Variants in RPL23 observed in about 807,000 individuals in gnomAD.
RPL23 encodes the protein large ribosomal subunit protein uL14.
For synonymous variants in RPL23, 63 were observed against 65.3 expected (o/e 0.97, Z 0.17); for missense variants, 79 against 178.8 (o/e 0.44, Z 3.18).
chr17:38,852,582 G>C (rs1913034889), intron 3 of RPL23, 22 bp downstream of exon 3: 2 of 1,612,040 alleles, frequency 1.2e-6, no homozygotes, highest in East Asian at 4.5e-5. Flanking sequence ...TCAGTATTAA[G>C]GTGGGCTCAG....
Position 38,852,728 on chromosome 17 carries a change from G to A in RPL23, c.102C>T (p.Ala34=), listed in dbSNP as rs747899701. Residue 34 remains alanine, a synonymous_variant, in exon 3 of 5, where the codon GCC becomes GCT. Coordinates refer to ENST00000479035, the MANE Select transcript of RPL23 (RefSeq NM_000978.4). The part of the protein sequence containing the change: ...AVINCADNTG[A]KNLYIISVKG... Reference sequence around the variant, plus strand: ...TCACGGAGATGATATACAGGTTTTTGGCTCCTACAAAAGAATGTAAATAAA... The same window carrying A: ...TCACGGAGATGATATACAGGTTTTTAGCTCCTACAAAAGAATGTAAATAAA... 3.1e-6 allele frequency: 5 copies of A among 1,614,056 alleles called. No individual in the cohort carries two copies. The highest frequency in any genetic ancestry group is 4.2e-6 in the Non-Finnish European group (5 of 1,180,004).
intron 1 of RPL23, chr17:38,853,312 C>T (rs1442108852): frequency 1.5e-6 from 1 of 655,254 alleles, no homozygotes; most frequent in East Asian, 2.7e-5. Context: ...TATTAACACT[C>T]TGACATCGAA....
intron 3 of RPL23, 103 bp from the exon 4 acceptor site, chr17:38,850,578 A>C: frequency 1.3e-6 from 1 of 753,730 alleles, no homozygotes; most frequent in Non-Finnish European, 2.3e-6. Flanking sequence ...CGTTTGAGAC[A>C]GTGACAGTGT....
At chr17:38,853,667 G>A (rs373730792) in intron 1 of RPL23, 31 bp downstream of exon 1, 1 of 1,614,116 alleles carries the variant, frequency 6.2e-7, no homozygotes, top group Non-Finnish European at 8.5e-7. Context: ...CACGACAGAT[G>A]GTGGAGGATC....
At position 38,853,439 on chromosome 17, in the gene RPL23, A is replaced by G. The variant is rs1913063824; in HGVS notation, c.13+259T>C. ...CAGGGCCTAATCCAGTCTAACTTCA[A>G]CCCCATTACGATAGCCCTATTCGCG... On this transcript the variant is annotated intron_variant, in intron 1 of 4. Transcript: ENST00000479035. 1.4e-5 allele frequency: 10 copies of G among 716,816 alleles called. No individual in the cohort carries two copies. In the East Asian group the frequency reaches 2.4e-4, roughly 17 times the overall value. The allele number at this position is 716,816 out of a possible 1,614,324, so 44.4% of individuals were successfully genotyped here. A position where few individuals can be genotyped will look rare whatever the true frequency, so the allele number is the denominator to read the frequency against.
intron 1 of RPL23, 199 bp downstream of exon 1, chr17:38,853,499 C>T: frequency 1.4e-6 from 1 of 730,038 alleles, no homozygotes; most frequent in Non-Finnish European, 2.5e-6. Context: ...ACATTCACGT[C>T]GGGATCCTGC....
chr17:38,853,232 C>T (rs1055909018), intron 1 of RPL23, 127 bp from the exon 2 acceptor site: 17 of 756,208 alleles, frequency 2.2e-5, no homozygotes, highest in Non-Finnish European at 3.7e-5. Flanking sequence ...TATAGATTAG[C>T]TCGCTCGGAT....
chr17:38,850,761 C>A, intron 3 of RPL23: 1 of 277,174 alleles, frequency 3.6e-6, no homozygotes, highest in Non-Finnish European at 6.8e-6. Context: ...AGGCATGAAC[C>A]ACGATCATCT....
chr17:38,848,975 G>A lies in RPL23; in HGVS notation c.*1157C>T, dbSNP rs141726545. 2.6e-5 allele frequency: 4 copies of A among 152,166 alleles called. No homozygotes were observed. The highest frequency in any genetic ancestry group is 7.2e-5 in the African/African-American group (3 of 41,518). 9.4% of individuals were successfully genotyped at this position (152,166 alleles called of 1,614,324 possible). A position where few individuals can be genotyped will look rare whatever the true frequency, so the allele number is the denominator to read the frequency against. ...GTGTCACCTAAATAAACTCTTACACGTTTAGAAAGAAATGCTAACAACCTC... is the reference window on the plus strand; with the variant it reads ...GTGTCACCTAAATAAACTCTTACACATTTAGAAAGAAATGCTAACAACCTC... On this transcript the variant is annotated 3_prime_UTR_variant, in exon 5 of 5. Coordinates refer to ENST00000479035, the MANE Select transcript of RPL23 (RefSeq NM_000978.4).
intron 2 of RPL23, 29 bp downstream of exon 2, chr17:38,852,993 G>C (rs774851297): frequency 5.0e-6 from 8 of 1,599,050 alleles, no homozygotes; most frequent in African/African-American, 1.3e-5. Context: ...TTTTAAAAGG[G>C]GGAGTATAGC....
intron 1 of RPL23, 176 bp downstream of exon 1, chr17:38,853,522 C>T (rs1413627693): frequency 2.6e-6 from 2 of 769,902 alleles, no homozygotes; most frequent in South Asian, 2.9e-5. Flanking sequence ...TCTCAACTCT[C>T]CAGCACCCCA....
intron 1 of RPL23, 49 bp from the exon 2 acceptor site, chr17:38,853,154 A>T (rs977734528): frequency 7.5e-6 from 11 of 1,469,938 alleles, no homozygotes; most frequent in Non-Finnish European, 1.0e-5. Flanking sequence ...CACAATCTAG[A>T]CATGGTTCGG....
rs554527029 is a variant in RPL23, at chr17:38,848,025, T to C, written c.*2107A>G. The C allele has an allele frequency of 1.2e-5, 18 of 1,549,754 alleles. No individual in the cohort carries two copies. Among genetic ancestry groups the C allele is most frequent in the Admixed American group, 7.9e-5 (4 of 50,888 alleles). ...AAAGTTACAGTGAGCTTCAGTGGTG[T>C]TACTGCACTCCAGCCTGTGTGACAG... is the stretch of plus-strand genomic sequence containing the variant. On this transcript the variant is annotated 3_prime_UTR_variant, in exon 5 of 5. Transcript: ENST00000479035.
Position 38,850,495 on chromosome 17 carries a change from C to T in RPL23, c.227-20G>A, listed in dbSNP as rs772128514. Reference sequence around the variant, plus strand: ...GATGTACTGAGAGAAGAAAAAAGGACAGCAGTCATTAACCTGTCAAGTCGC... The same window carrying T: ...GATGTACTGAGAGAAGAAAAAAGGATAGCAGTCATTAACCTGTCAAGTCGC... On this transcript the variant is annotated intron_variant, in intron 3 of 4. Transcript: ENST00000479035. 2.5e-5 allele frequency: 39 copies of T among 1,563,528 alleles called. No individual in the cohort carries two copies. Among genetic ancestry groups the T allele is most frequent in the Non-Finnish European group, 3.3e-5 (38 of 1,134,380 alleles).
At chr17:38,852,946 G>A (rs907324778) in intron 2 of RPL23, 76 bp downstream of exon 2, 14 of 1,441,582 alleles carry the variant, frequency 9.7e-6, no homozygotes, top group Non-Finnish European at 3.9e-6. Context: ...CTTTCTTGAC[G>A]GCTCAATAGG....
In RPL23 at chr17:38,849,903, TGAGATCAGGA is replaced by T; in HGVS notation, c.*219_*228del. 2.3e-6 allele frequency: 1 copy of T among 436,382 alleles called. No individual in the cohort carries two copies. The highest frequency in any genetic ancestry group is 4.1e-6 in the Non-Finnish European group (1 of 246,150). 27.0% of individuals were successfully genotyped at this position (436,382 alleles called of 1,614,324 possible). The stretch of plus-strand genomic sequence containing the variant: ...TAGAGGCCTGGGTGGGCAGATCACT[TGAGATCAGGA>T]GTTTGAGTCGTTTGGCAAACATGGT... On this transcript the variant is annotated 3_prime_UTR_variant, in exon 5 of 5. Coordinates refer to ENST00000479035, the MANE Select transcript of RPL23 (RefSeq NM_000978.4).
In RPL23 at chr17:38,848,141, A is replaced by T; in HGVS notation, c.*1991T>A. 1 of 1,373,304 alleles carries T rather than the reference A, an allele frequency of 7.3e-7. No individual in the cohort carries two copies. Among genetic ancestry groups the T allele is most frequent in the Non-Finnish European group, 9.5e-7 (1 of 1,057,166 alleles). 85.1% of individuals were successfully genotyped at this position (1,373,304 alleles called of 1,614,324 possible). A position where few individuals can be genotyped will look rare whatever the true frequency, so the allele number is the denominator to read the frequency against. On this transcript the variant is annotated 3_prime_UTR_variant, in exon 5 of 5. Coordinates refer to ENST00000479035, the MANE Select transcript of RPL23 (RefSeq NM_000978.4). The stretch of plus-strand genomic sequence containing the variant: ...TCATATATTGCCATAATATATAAAG[A>T]CATAAATGGTGGGCCTAGGGGCTTG...
chr17:38,848,089 C>G lies in RPL23; in HGVS notation c.*2043G>C, dbSNP rs1461484580. 3 of 1,526,058 alleles carry G rather than the reference C, an allele frequency of 2.0e-6. No individual in the cohort carries two copies. In the African/African-American group the frequency reaches 4.2e-5, roughly 21 times the overall value. The allele number at this position is 1,526,058 out of a possible 1,614,324, so 94.5% of individuals were successfully genotyped here. ...CAGAAAAGATAACATTCAAAAACAGCAGCGATTAGTGGTTAATATATAAGG... is the reference window on the plus strand; with the variant it reads ...CAGAAAAGATAACATTCAAAAACAGGAGCGATTAGTGGTTAATATATAAGG... On this transcript the variant is annotated 3_prime_UTR_variant, in exon 5 of 5. Transcript: ENST00000479035.
rs1025710027 is a variant in RPL23 at position 38,848,999 on chromosome 17, T to A, written c.*1133A>T. 6 of 152,096 alleles carry A rather than the reference T, an allele frequency of 3.9e-5. No homozygotes were observed. The highest frequency in any genetic ancestry group is 2.6e-4 in the Admixed American group (4 of 15,250). The allele number at this position is 152,096 out of a possible 1,614,324, so 9.4% of individuals were successfully genotyped here. On this transcript the variant is annotated 3_prime_UTR_variant, in exon 5 of 5. Transcript: ENST00000479035. ...CGTTTAGAAAGAAATGCTAACAACC[T>A]CCTACCTTAAGGCCAAGTCCCTTAT...
Sources: gnomAD v4.1 joint callset for allele counts on GRCh38, gnomAD v4.1.1 for gene constraint, MANE v1.5 for transcripts, NCBI Gene and HGNC (gene_info 2026-07-23, HGNC 2026-07-21) for gene names.